Variants in KCNH1 observed in about 807,000 individuals in gnomAD.
The protein encoded by KCNH1 is potassium voltage-gated channel subfamily H member 1.
A neutral mutation model predicts 69.2 loss-of-function variants in KCNH1; 27 were observed. The observed-to-expected ratio is 0.39, with a 90% CI of 0.29 to 0.54. The LOEUF (loss-of-function observed/expected upper bound fraction) is 0.54. Among genes scored for constraint, KCNH1 ranks in the 20% least tolerant of loss-of-function variants. KCNH1 has a pLI of 0.68. For synonymous variants in KCNH1, 456 were observed against 487.7 expected (o/e 0.93, Z 0.86); for missense variants, 798 against 1,261.6 (o/e 0.63, Z 5.57).
chr1:210,942,463 G>A lies in KCNH1; in HGVS notation c.1033-22394C>T, dbSNP rs570370265. On this transcript the variant is annotated intron_variant, in intron 6 of 10. Transcript: ENST00000271751. ...GTATTAGTGGTTGTTTTACAAGGGTGCCACCTTGCTGTCTTCCAGCTGTAA... is the reference window on the plus strand; with the variant it reads ...GTATTAGTGGTTGTTTTACAAGGGTACCACCTTGCTGTCTTCCAGCTGTAA... Among the ~76,000 whole-genome samples the A allele has an allele frequency of 5.9e-5, 9 of 152,286 alleles. No homozygotes were observed. The South Asian group carries it at 1.9e-3, about 32-fold the overall frequency.
chr1:210,844,124 G>T (rs192932972), intron 7 of KCNH1, among the ~76,000 whole-genome samples: 183 of 152,208 alleles, frequency 1.2e-3, no homozygotes, highest in Middle Eastern at 3.4e-3. Flanking sequence ...TGAATTTTTG[G>T]TAAAAACAAT....
At chr1:210,746,705 CCTGG>C (rs1276758909) in intron 10 of KCNH1, among the ~76,000 whole-genome samples, 1 of 152,132 alleles carries the variant, frequency 6.6e-6, no homozygotes, top group East Asian at 1.9e-4. Flanking sequence ...TGCCACCATG[CCTGG>C]CTAATTTTTG....
intron 10 of KCNH1, among the ~76,000 whole-genome samples, chr1:210,721,540 GC>G (rs1468412515): frequency 3.3e-5 from 5 of 152,228 alleles, no homozygotes; most frequent in African/African-American, 9.6e-5. Context: ...GAAGTTGATG[GC>G]CGAAATAAAA....
In KCNH1 at chr1:210,788,921, C is replaced by T. The variant is rs1004197594; in HGVS notation, c.1915+8587G>A. 2.8e-4 allele frequency among the ~76,000 whole-genome samples: 43 copies of T among 151,750 alleles called. 1 individual carries two copies. The highest frequency in any genetic ancestry group is 9.9e-4 in the African/African-American group (41 of 41,218). ...CCGTTTTAGCCGGGATGGTCTCGAT[C>T]TCCTGACCTCGTGATCCGCCCGCCT... On this transcript the variant is annotated intron_variant, in intron 9 of 10. Coordinates refer to ENST00000271751, the MANE Select transcript of KCNH1 (RefSeq NM_172362.3).
chr1:211,108,570 A>T (rs1275287112), intron 1 of KCNH1: 1 of 152,208 alleles, frequency 6.6e-6, no homozygotes, highest in African/African-American at 2.4e-5. Flanking sequence ...GCTTGGGAAA[A>T]TGATTCCACT....
rs184080146 is a variant in KCNH1 at position 210,908,355 on chromosome 1, C to G, written c.1462+11285G>C. On this transcript the variant is annotated intron_variant, in intron 7 of 10. Transcript: ENST00000271751. ...TTTGCTCAGAAATCCTGCTTCCCTTCCACTTGTTAAGGTGCTGGATTCCAT... is the reference window on the plus strand; with the variant it reads ...TTTGCTCAGAAATCCTGCTTCCCTTGCACTTGTTAAGGTGCTGGATTCCAT... Among the ~76,000 whole-genome samples the G allele has an allele frequency of 1.8e-3, 276 of 152,316 alleles. 1 individual carries two copies. Among genetic ancestry groups the G allele is most frequent in the Non-Finnish European group, 3.3e-3 (226 of 68,030 alleles).
At chr1:210,765,766 A>C (rs1206339092) in intron 10 of KCNH1, among the ~76,000 whole-genome samples, 1 of 152,230 alleles carries the variant, frequency 6.6e-6, no homozygotes, top group Admixed American at 6.5e-5. Context: ...AGGCTTTAAG[A>C]ATATACACCA....
intron 7 of KCNH1, among the ~76,000 whole-genome samples, chr1:210,905,191 C>A (rs1160382896): frequency 1.3e-5 from 2 of 152,216 alleles, no homozygotes; most frequent in African/African-American, 2.4e-5. Context: ...AGTTCCTCCA[C>A]TTCCTAGCTG....
intron 10 of KCNH1, among the ~76,000 whole-genome samples, chr1:210,695,966 C>T (rs1395735625): frequency 6.6e-6 from 1 of 152,218 alleles, no homozygotes; most frequent in Admixed American, 6.5e-5. Flanking sequence ...GGGGCTTCCT[C>T]CCTGCTTTCA....
chr1:210,742,703 G>A (rs542544302), intron 10 of KCNH1, among the ~76,000 whole-genome samples: 5 of 152,236 alleles, frequency 3.3e-5, no homozygotes, highest in African/African-American at 1.2e-4. Context: ...AGGGCTCAGG[G>A]GCTCAAGGAG....
At chr1:210,697,781 G>T (rs565826188) in intron 10 of KCNH1, among the ~76,000 whole-genome samples, 1 of 152,184 alleles carries the variant, frequency 6.6e-6, no homozygotes, top group East Asian at 1.9e-4. Flanking sequence ...GTTTGCCAAG[G>T]GCAATATTTC....
At chr1:210,957,777 T>C (rs962772369) in intron 6 of KCNH1, among the ~76,000 whole-genome samples, 5 of 152,198 alleles carry the variant, frequency 3.3e-5, no homozygotes, top group Non-Finnish European at 5.9e-5. Flanking sequence ...TAGATCTTCC[T>C]CCATCCGTTT....
At chr1:210,838,555 A>G (rs1452054581) in intron 7 of KCNH1, among the ~76,000 whole-genome samples, 1 of 152,206 alleles carries the variant, frequency 6.6e-6, no homozygotes, top group Admixed American at 6.5e-5. Context: ...AACAAAAGCA[A>G]AAGTTGACAA....
intron 7 of KCNH1, among the ~76,000 whole-genome samples, chr1:210,807,461 A>C (rs73069564): frequency 0.13 from 20,248 of 151,880 alleles, 1,354 homozygotes; most frequent in Non-Finnish European, 0.15. Context: ...AAACAAAAAA[A>C]TTTAGCCAGG....
intron 5 of KCNH1, among the ~76,000 whole-genome samples, chr1:211,041,099 G>A (rs1689987193): frequency 6.6e-6 from 1 of 152,054 alleles, no homozygotes; most frequent in Admixed American, 6.6e-5. Context: ...TCCCTTTATA[G>A]CCAGATTTTT....
In KCNH1 at chr1:211,133,942, T is replaced by C. The variant is rs777894917; in HGVS notation, c.4A>G (p.Thr2Ala). ...AGTCCCCTCCTGCCCCCAGCCATGG[T>C]CATCCTCCCAGCAGCTCGGGGTCCG... M[T>A]MAGGRRGLVA... Residue 2 changes from threonine (T) to alanine (A), a missense_variant, in exon 1 of 11, where the codon ACC becomes GCC. Thr to Ala is a moderately conservative substitution (Grantham distance 58, BLOSUM62 0). Around this residue, in one of 4 missense-constraint regions of KCNH1, gnomAD observed 266 missense variants for 457.2 expected, o/e 0.58. Transcript: ENST00000271751. This position sits in a 1 kb window ranked among gnomAD's most constrained non-coding sequence, Gnocchi z 5.4. 1.6e-5 allele frequency: 26 copies of C among 1,608,166 alleles called. No individual in the cohort carries two copies. Among genetic ancestry groups the C allele is most frequent in the Non-Finnish European group, 2.1e-5 (25 of 1,177,470 alleles).
At chr1:210,710,360 A>C (rs1682040004) in intron 10 of KCNH1, among the ~76,000 whole-genome samples, 1 of 152,092 alleles carries the variant, frequency 6.6e-6, no homozygotes, top group African/African-American at 2.4e-5. Flanking sequence ...GACTATAAAC[A>C]GTATATGTAG....
intron 6 of KCNH1, among the ~76,000 whole-genome samples, chr1:210,930,686 G>C (rs1278509920): frequency 6.6e-6 from 1 of 152,016 alleles, no homozygotes; most frequent in Admixed American, 6.6e-5. Context: ...TAAATAGGTG[G>C]GACTTAATTA....
At chr1:211,021,725 C>T (rs1689589275) in intron 5 of KCNH1, among the ~76,000 whole-genome samples, 1 of 151,814 alleles carries the variant, frequency 6.6e-6, no homozygotes. Context: ...GGAACAATTC[C>T]ATTATCAATA....
Sources: allele counts gnomAD v4.1 joint callset (sites outside exome capture counted in the v4.1 genomes callset), GRCh38; gene constraint gnomAD v4.1.1; regional missense constraint gnomAD v4.1.1; non-coding constraint Gnocchi (gnomAD v3.1); transcripts MANE v1.5; gene names NCBI Gene and HGNC (gene_info 2026-07-23, HGNC 2026-07-21).